KCNH7: variants seen among roughly 807,000 people sequenced by gnomAD.
KCNH7 encodes potassium voltage-gated channel subfamily H member 7.
Under a neutral mutation model 120.8 loss-of-function variants are expected in KCNH7, and 49 were observed. The observed-to-expected ratio is 0.41, with a 90% CI of 0.32 to 0.51. The LOEUF (loss-of-function observed/expected upper bound fraction) is 0.51. Ranked by LOEUF, KCNH7 falls within the 20% of genes least tolerant of loss-of-function variation. The pLI is 0.38. For synonymous variants in KCNH7, 547 were observed against 516.1 expected (o/e 1.06, Z -0.81); for missense variants, 1,097 against 1,446.6 (o/e 0.76, Z 3.92).
At chr2:162,702,666 C>T (rs1335827323) in intron 2 of KCNH7, among the ~76,000 whole-genome samples, 3 of 152,124 alleles carry the variant, frequency 2.0e-5, no homozygotes, top group Admixed American at 2.0e-4. Flanking sequence ...ATTATTCATA[C>T]ATTTAAAGCA....
At chr2:162,428,226 G>A (rs1052363284) in intron 8 of KCNH7, among the ~76,000 whole-genome samples, 32 of 150,690 alleles carry the variant, frequency 2.1e-4, no homozygotes, top group African/African-American at 7.2e-4. Flanking sequence ...AAAATAGTTT[G>A]TAATTTTCCA....
At position 162,473,537 on chromosome 2, in the gene KCNH7, G is replaced by A. The variant is rs150890183; in HGVS notation, c.1129-27094C>T. ...TTGAGGTGAGGGAATGAGTAAGTGG[G>A]TGTCAGAAGTAGGATGAAGAAATGA... On this transcript the variant is annotated intron_variant, in intron 6 of 15. Coordinates refer to ENST00000332142, the MANE Select transcript of KCNH7 (RefSeq NM_033272.4). Among the ~76,000 whole-genome samples the A allele has an allele frequency of 2.0e-5, 3 of 152,242 alleles. 1 individual carries two copies. The East Asian group carries it at 5.8e-4, about 29-fold the overall frequency.
At chr2:162,766,758 T>C (rs532541548) in intron 2 of KCNH7, among the ~76,000 whole-genome samples, 3 of 152,154 alleles carry the variant, frequency 2.0e-5, no homozygotes, top group Admixed American at 6.6e-5. Flanking sequence ...AAATGAAGTC[T>C]CTTTCCCAGC....
intron 2 of KCNH7, among the ~76,000 whole-genome samples, chr2:162,827,245 A>G (rs1367013065): frequency 1.3e-5 from 2 of 152,066 alleles, no homozygotes; most frequent in African/African-American, 4.8e-5. Context: ...TTGCCAGGAA[A>G]TAAAACTTTC....
At chr2:162,806,653 T>G (rs1384308397) in intron 2 of KCNH7, among the ~76,000 whole-genome samples, 2 of 152,180 alleles carry the variant, frequency 1.3e-5, no homozygotes, top group African/African-American at 4.8e-5. Context: ...GAAGGAATAT[T>G]AGTAGTCTCA....
chr2:162,577,367 A>ATCTATCTC (rs1693717760), intron 2 of KCNH7, among the ~76,000 whole-genome samples: 3 of 140,314 alleles, frequency 2.1e-5, no homozygotes, highest in African/African-American at 8.0e-5. Context: ...CTATCTATCT[A>ATCTATCTC]TCTATCTATC....
chr2:162,739,975 T>C lies in KCNH7; in HGVS notation c.307+96562A>G, dbSNP rs576246426. Among the ~76,000 whole-genome samples the C allele has an allele frequency of 6.0e-4, 91 of 152,164 alleles. 2 individuals are homozygous for C. In the South Asian group the frequency reaches 0.018, roughly 31 times the overall value. ...ATTGGATTGCAGAAACTAATCCAAA[T>C]AAGAGGAGCCAAGTAGTTCACAGAC... On this transcript the variant is annotated intron_variant, in intron 2 of 15. Coordinates refer to ENST00000332142, the MANE Select transcript of KCNH7 (RefSeq NM_033272.4).
intron 2 of KCNH7, among the ~76,000 whole-genome samples, chr2:162,546,030 C>T (rs1692463607): frequency 6.6e-6 from 1 of 152,132 alleles, no homozygotes; most frequent in Non-Finnish European, 1.5e-5. Flanking sequence ...ATTTGATTAA[C>T]AGTGGACAAA....
At position 162,838,527 on chromosome 2, in the gene KCNH7, C is replaced by T; in HGVS notation, c.-9G>A. On this transcript the variant is annotated 5_prime_UTR_variant, in exon 1 of 16. Transcript: ENST00000332142. ...CCCCTGCGCACAGGCATGTTGGCCC[C>T]GGTCTTCCGAGGAGCGCTCCCCCGG... 6.2e-7 allele frequency: 1 copy of T among 1,610,306 alleles called. No homozygotes were observed. Among genetic ancestry groups the T allele is most frequent in the Non-Finnish European group, 8.5e-7 (1 of 1,178,538 alleles).
intron 2 of KCNH7, among the ~76,000 whole-genome samples, chr2:162,569,711 T>C (rs961056676): frequency 4.6e-5 from 7 of 152,086 alleles, no homozygotes; most frequent in African/African-American, 1.7e-4. Context: ...ATGCATCCCA[T>C]AGATTCTGGT....
chr2:162,544,334 T>C (rs965740387), intron 2 of KCNH7, among the ~76,000 whole-genome samples: 15 of 152,114 alleles, frequency 9.9e-5, no homozygotes, highest in African/African-American at 3.6e-4. Context: ...GGATTAGCAT[T>C]TGAAAGCACA....
intron 2 of KCNH7, among the ~76,000 whole-genome samples, chr2:162,708,659 TA>T (rs1324255680): frequency 1.3e-5 from 2 of 152,066 alleles, no homozygotes; most frequent in East Asian, 3.9e-4. Context: ...CATTGTTCAA[TA>T]GAGTGCCAAA....
chr2:162,480,777 G>C (rs1397694720), intron 6 of KCNH7, among the ~76,000 whole-genome samples: 1 of 152,154 alleles, frequency 6.6e-6, no homozygotes, highest in African/African-American at 2.4e-5. Flanking sequence ...TTTTGGAATG[G>C]AAAACTGGCC....
intron 6 of KCNH7, among the ~76,000 whole-genome samples, chr2:162,463,155 G>T (rs1202512959): frequency 3.3e-5 from 5 of 151,946 alleles, no homozygotes; most frequent in African/African-American, 4.8e-5. Flanking sequence ...GCTGTCATTT[G>T]CCTTATGGAC....
At position 162,401,991 on chromosome 2, in the gene KCNH7, T is replaced by C. The variant is rs75347320; in HGVS notation, c.2155-1550A>G. On this transcript the variant is annotated intron_variant, in intron 9 of 15. Coordinates refer to ENST00000332142, the MANE Select transcript of KCNH7 (RefSeq NM_033272.4). ...TCGGTGCTGCTACAGGAACTCAGGT[T>C]TTCATCCTGAAGAGTCTGTATTTCC... Among the ~76,000 whole-genome samples the C allele has an allele frequency of 7.2e-3, 1,088 of 151,922 alleles. 4 individuals are homozygous for C. The highest frequency in any genetic ancestry group is 0.011 in the Non-Finnish European group (771 of 67,866).
intron 6 of KCNH7, among the ~76,000 whole-genome samples, chr2:162,489,504 T>C (rs561840184): frequency 6.6e-6 from 1 of 152,232 alleles, no homozygotes; most frequent in South Asian, 2.1e-4. Flanking sequence ...GACTAGATAA[T>C]AGAATATATT....
rs73028573 is a variant in KCNH7 at position 162,643,397 on chromosome 2, C to T, written c.308-106317G>A. 2.3e-3 allele frequency among the ~76,000 whole-genome samples: 352 copies of T among 152,124 alleles called. 1 individual carries two copies. The highest frequency in any genetic ancestry group is 8.1e-3 in the African/African-American group (337 of 41,508). On this transcript the variant is annotated intron_variant, in intron 2 of 15. Transcript: ENST00000332142. ...AAAACCTCTCAGAATATTTTTTACT[C>T]TAATTACACAGTAAATTAAAGTATA... is the stretch of plus-strand genomic sequence containing the variant.
intron 9 of KCNH7, among the ~76,000 whole-genome samples, chr2:162,412,927 G>C (rs1394070042): frequency 1.3e-5 from 2 of 152,058 alleles, no homozygotes; most frequent in Non-Finnish European, 2.9e-5. Flanking sequence ...ACTCTTGGGA[G>C]CCATATTTAA....
intron 6 of KCNH7, among the ~76,000 whole-genome samples, chr2:162,489,917 T>C (rs945920620): frequency 6.6e-6 from 1 of 152,204 alleles, no homozygotes; most frequent in Non-Finnish European, 1.5e-5. Context: ...CTGCATTACA[T>C]CCCAAATTTA....
Sources: allele counts gnomAD v4.1 joint callset (sites outside exome capture counted in the v4.1 genomes callset), GRCh38; gene constraint gnomAD v4.1.1; transcripts MANE v1.5; gene names NCBI Gene and HGNC (gene_info 2026-07-23, HGNC 2026-07-21).